MSANTD2: variants seen among roughly 807,000 people sequenced by gnomAD.
MSANTD2 encodes Myb/SANT DNA binding domain containing 2, also known as myb/SANT-like DNA-binding domain-containing protein 2.
MSANTD2 carries 19 observed loss-of-function variants against 52.6 expected under a neutral mutation model. The ratio of observed to expected loss-of-function variants is 0.36; its 90% CI spans 0.25 to 0.53. MSANTD2 has a LOEUF of 0.53. Among genes scored for constraint, MSANTD2 ranks in the 20% least tolerant of loss-of-function variants. The pLI is 0.91. For missense variants in MSANTD2, 558 were observed against 716.3 expected (o/e 0.78, Z 2.52); for synonymous variants, 291 against 289.7 (o/e 1.00, Z -0.04).
At chr11:124,796,003 A>G (rs925297574) in intron 1 of MSANTD2, among the ~76,000 whole-genome samples, 7 of 152,248 alleles carry the variant, frequency 4.6e-5, no homozygotes, top group African/African-American at 1.4e-4. Context: ...ACAAATACCA[A>G]TAAGATGACA....
chr11:124,791,735 G>A, intron 1 of MSANTD2: 1 of 781,262 alleles, frequency 1.3e-6, no homozygotes, highest in Non-Finnish European at 2.1e-6. Context: ...AGAGACTGGG[G>A]TGAAAAGGGG....
intron 1 of MSANTD2, 151 bp from the exon 2 acceptor site, chr11:124,775,125 T>C: frequency 1.5e-6 from 1 of 646,442 alleles, no homozygotes; most frequent in Non-Finnish European, 2.5e-6. Flanking sequence ...ATTATTATAT[T>C]AGAAAAAAAT....
At chr11:124,773,163 C>T (rs1198388221) in intron 2 of MSANTD2, 109 bp from the exon 3 acceptor site, 3 of 660,038 alleles carry the variant, frequency 4.5e-6, no homozygotes, top group African/African-American at 3.7e-5. Flanking sequence ...CAAAACCAGG[C>T]TTTTATTCTA....
At chr11:124,769,157 T>C (rs967599983) in intron 3 of MSANTD2, among the ~76,000 whole-genome samples, 13 of 152,328 alleles carry the variant, frequency 8.5e-5, no homozygotes, top group East Asian at 1.9e-4. Context: ...TACGTTCTCA[T>C]ACCTTCTAGG....
At chr11:124,770,108 C>T (rs1219391104) in intron 3 of MSANTD2, among the ~76,000 whole-genome samples, 1 of 152,112 alleles carries the variant, frequency 6.6e-6, no homozygotes, top group Non-Finnish European at 1.5e-5. Flanking sequence ...TTCCAATCAC[C>T]AGAAAAGTTT....
chr11:124,769,766 C>A (rs183340429), intron 3 of MSANTD2, among the ~76,000 whole-genome samples: 2 of 152,186 alleles, frequency 1.3e-5, no homozygotes, highest in African/African-American at 4.8e-5. Context: ...GCCCAAATCA[C>A]GTTATTTTTT....
At chr11:124,787,906 C>A (rs1336134586) in intron 1 of MSANTD2, among the ~76,000 whole-genome samples, 1 of 151,876 alleles carries the variant, frequency 6.6e-6, no homozygotes, top group African/African-American at 2.4e-5. Context: ...CCAGCCTGGG[C>A]AACATGGCAA....
chr11:124,772,554 G>C (rs1162994213), intron 3 of MSANTD2, among the ~76,000 whole-genome samples: 1 of 152,024 alleles, frequency 6.6e-6, no homozygotes, highest in Non-Finnish European at 1.5e-5. Context: ...TGGCTAACAC[G>C]ATGAAACCCC....
rs1406588650 is a variant in MSANTD2, at chr11:124,772,862, A to G, written c.827+132T>C. On this transcript the variant is annotated intron_variant, in intron 3 of 3. Transcript: ENST00000374979. ...TTTAAGTGAGTCCCTGATTAAATCT[A>G]AAGAATGAATAGACATGCCTCCTTG... The G allele has an allele frequency of 6.0e-6, 4 of 671,926 alleles. No homozygotes were observed. In the African/African-American group the frequency reaches 7.3e-5, roughly 12 times the overall value. 41.6% of individuals were successfully genotyped at this position (671,926 alleles called of 1,614,324 possible).
intron 3 of MSANTD2, 66 bp from the exon 4 acceptor site, chr11:124,768,094 T>C: frequency 6.8e-7 from 1 of 1,464,908 alleles, no homozygotes; most frequent in Non-Finnish European, 9.2e-7. Context: ...TAGAACTTTC[T>C]GTGATGATGG....
At position 124,777,591 on chromosome 11, in the gene MSANTD2, T is replaced by A. The variant is rs556198657; in HGVS notation, c.511-2617A>T. 1.3e-4 allele frequency among the ~76,000 whole-genome samples: 20 copies of A among 152,334 alleles called. No individual in the cohort carries two copies. The South Asian group carries it at 4.1e-3, about 32-fold the overall frequency. The stretch of plus-strand genomic sequence containing the variant: ...AATGGTTACAGATATGGAAGAAAAG[T>A]CAGGTGACACATTTTACAATTTATC... On this transcript the variant is annotated intron_variant, in intron 1 of 3. Transcript: ENST00000374979.
chr11:124,797,677 C>G (rs1054792819), intron 1 of MSANTD2, among the ~76,000 whole-genome samples: 6 of 152,118 alleles, frequency 3.9e-5, no homozygotes, highest in African/African-American at 1.2e-4. Context: ...GAGTAGAGCA[C>G]TTTAAAACAC....
chr11:124,785,689 C>T (rs1051082767), intron 1 of MSANTD2, among the ~76,000 whole-genome samples: 1 of 152,068 alleles, frequency 6.6e-6, no homozygotes, highest in Admixed American at 6.6e-5. Context: ...GCATTCCAGA[C>T]AGCTGGGGGG....
At chr11:124,785,053 G>C (rs1028112205) in intron 1 of MSANTD2, among the ~76,000 whole-genome samples, 2 of 152,158 alleles carry the variant, frequency 1.3e-5, no homozygotes, top group Non-Finnish European at 2.9e-5. Flanking sequence ...AACTTAGTTA[G>C]GAAGTTGTTA....
intron 2 of MSANTD2, among the ~76,000 whole-genome samples, chr11:124,773,812 T>G (rs1286751469): frequency 6.6e-6 from 1 of 152,222 alleles, no homozygotes; most frequent in East Asian, 1.9e-4. Flanking sequence ...ATGTTTATAC[T>G]GCCAATCCTA....
intron 3 of MSANTD2, 71 bp from the exon 4 acceptor site, chr11:124,768,099 T>C (rs1944369645): frequency 7.0e-7 from 1 of 1,435,014 alleles, no homozygotes; most frequent in Non-Finnish European, 9.4e-7. Context: ...CTTTCTGTGA[T>C]GATGGAAATG....
chr11:124,772,581 C>T (rs34370692), intron 3 of MSANTD2, among the ~76,000 whole-genome samples: 325 of 151,850 alleles, frequency 2.1e-3, no homozygotes, highest in Non-Finnish European at 3.5e-3. Flanking sequence ...ACTAAATGTA[C>T]AAAAAATTAG....
chr11:124,774,856 C>T lies in MSANTD2; in HGVS notation c.629G>A (p.Cys210Tyr). ...ACTACTGTTAATAAGTACAGGCTGG[C>T]AGGGCTGAGCATCCCATCCTCCCTG... ...FGQGGWDAQPCQPVLINSSGL... is the reference protein window; with the variant it reads ...FGQGGWDAQPYQPVLINSSGL... The change falls in exon 2 of 4, where the codon TGC becomes TAC. Residue 210 changes from cysteine (C) to tyrosine (Y), a missense_variant. Physicochemically the swap from Cys to Tyr is radical, Grantham distance 194. Around this residue, in one of 2 missense-constraint regions of MSANTD2, gnomAD observed 408 missense variants for 573.6 expected, o/e 0.71. Transcript: ENST00000374979. The surrounding 1 kb of genome is among the most constrained non-coding windows in gnomAD (Gnocchi z 5.1). 5.0e-6 allele frequency: 8 copies of T among 1,613,920 alleles called. No homozygotes were observed. Among genetic ancestry groups the T allele is most frequent in the Non-Finnish European group, 6.8e-6 (8 of 1,180,024 alleles).
In MSANTD2 at chr11:124,799,965, T is replaced by C; in HGVS notation, c.416A>G (p.Lys139Arg). 1 of 1,585,348 alleles carries C rather than the reference T, an allele frequency of 6.3e-7. No homozygotes were observed. ...CTCGTACATGGCTGGCCCGGGGGCC[T>C]TGCTGCCGAACACCGTGCCGGCTCC... Reference protein sequence around the residue: ...LEGAGTVFGSKAPGPAMYERV... With the variant: ...LEGAGTVFGSRAPGPAMYERV... Residue 139 changes from lysine (K) to arginine (R), a missense_variant, in exon 1 of 4, where the codon AAG becomes AGG. Physicochemically the swap from Lys to Arg is conservative, Grantham distance 26. Transcript: ENST00000374979.
Sources: allele counts gnomAD v4.1 joint callset (sites outside exome capture counted in the v4.1 genomes callset), GRCh38; gene constraint gnomAD v4.1.1; regional missense constraint gnomAD v4.1.1; non-coding constraint Gnocchi (gnomAD v3.1); transcripts MANE v1.5; gene names NCBI Gene and HGNC (gene_info 2026-07-23, HGNC 2026-07-21).